ME1: variants seen among roughly 807,000 people sequenced by gnomAD.
The protein encoded by ME1 is malic enzyme 1, also known as NADP-dependent malic enzyme.
Under a neutral mutation model 66.4 loss-of-function variants are expected in ME1, and 74 were observed. The ratio of observed to expected loss-of-function variants is 1.11; its 90% CI spans 0.92 to 1.35. The LOEUF (loss-of-function observed/expected upper bound fraction) is 1.35. Among genes scored for constraint, ME1 ranks in the 40% most tolerant of loss-of-function variants. The pLI is 0.00. For missense variants in ME1, 750 were observed against 694.1 expected (o/e 1.08, Z -0.90); for synonymous variants, 251 against 235.6 (o/e 1.07, Z -0.60).
In ME1 at chr6:83,211,888, AC is replaced by A. The variant is rs777507899; in HGVS notation, c.*35del. ...TTTAAAAATTATGAAAGGTTTAAAG[AC>A]CTCATTAATAGAGTTAGAAATGTTT... On this transcript the variant is annotated 3_prime_UTR_variant, in exon 14 of 14. Transcript: ENST00000369705. The A allele has an allele frequency of 1.4e-5, 20 of 1,401,988 alleles. No individual in the cohort carries two copies. The Admixed American group carries it at 2.0e-4, about 14-fold the overall frequency. 86.8% of individuals were successfully genotyped at this position (1,401,988 alleles called of 1,614,324 possible).
At chr6:83,370,310 A>G (rs191866640) in intron 3 of ME1, among the ~76,000 whole-genome samples, 2 of 152,248 alleles carry the variant, frequency 1.3e-5, no homozygotes, top group Non-Finnish European at 2.9e-5. Flanking sequence ...TGCAGGAAAA[A>G]CAGTCAACTT....
Position 83,346,165 on chromosome 6 carries a change from T to A in ME1, c.600+8A>T, listed in dbSNP as rs758523113. The A allele has an allele frequency of 1.3e-6, 2 of 1,597,914 alleles. No individual in the cohort carries two copies. Among genetic ancestry groups the A allele is most frequent in the Non-Finnish European group, 1.7e-6 (2 of 1,170,748 alleles). On this transcript the variant is annotated splice_region_variant and intron_variant, in intron 5 of 13. Coordinates refer to ENST00000369705, the MANE Select transcript of ME1 (RefSeq NM_002395.6). The stretch of plus-strand genomic sequence containing the variant: ...TACATAGCTGCCTTATAGACGTAAA[T>A]TATTTACCTCATTTTCGGTTCCCAC...
intron 6 of ME1, among the ~76,000 whole-genome samples, chr6:83,271,411 G>A (rs1360363980): frequency 2.0e-5 from 3 of 152,140 alleles, no homozygotes; most frequent in African/African-American, 4.8e-5. Flanking sequence ...TCACATGGAG[G>A]CTGCAATTGG....
Position 83,239,807 on chromosome 6 carries a change from C to T in ME1, c.815-171G>A, listed in dbSNP as rs1790478457. On this transcript the variant is annotated intron_variant, in intron 7 of 13. Transcript: ENST00000369705. ...CGTGGTAAAATTCCCAGGCTACTGA[C>T]ATCAATATTTTAAGATAGCAGCTTA... is the stretch of plus-strand genomic sequence containing the variant. 3.3e-5 allele frequency among the ~76,000 whole-genome samples: 5 copies of T among 152,010 alleles called. No homozygotes were observed. In the South Asian group the frequency reaches 1.0e-3, roughly 32 times the overall value.
intron 5 of ME1, among the ~76,000 whole-genome samples, chr6:83,344,232 G>A (rs1489533210): frequency 1.3e-5 from 2 of 148,220 alleles, no homozygotes; most frequent in Non-Finnish European, 3.0e-5. Flanking sequence ...GCTGCAATAA[G>A]CTATGATAGT....
intron 6 of ME1, 85 bp downstream of exon 6, chr6:83,315,225 A>G: frequency 1.3e-6 from 1 of 768,992 alleles, no homozygotes; most frequent in Non-Finnish European, 2.2e-6. Flanking sequence ...TAATTATTAA[A>G]CCATATTGCA....
intron 5 of ME1, among the ~76,000 whole-genome samples, chr6:83,332,285 GA>G (rs1768429520): frequency 1.3e-5 from 2 of 152,122 alleles, no homozygotes; most frequent in African/African-American, 2.4e-5. Context: ...GGTGAAAAGG[GA>G]AAACTTATAC....
chr6:83,395,946 T>C (rs1466129032), intron 3 of ME1, among the ~76,000 whole-genome samples: 1 of 152,024 alleles, frequency 6.6e-6, no homozygotes, highest in Non-Finnish European at 1.5e-5. Flanking sequence ...AACAAAAAAC[T>C]GTTACAACTA....
Position 83,228,862 on chromosome 6 carries a change from C to T in ME1, c.1096G>A (p.Ala366Thr), listed in dbSNP as rs1267384203. 1.2e-6 allele frequency: 2 copies of T among 1,613,114 alleles called. No homozygotes were observed. The change falls in exon 10 of 14, where the codon GCC becomes ACC. Residue 366 changes from alanine to threonine, a missense_variant. Physicochemically the swap from Ala to Thr is moderately conservative, Grantham distance 58. Transcript: ENST00000369705. ...HEHEEMKNLE[A>T]IVQEIKPTAL... ...GTTGGTTTTATTTCTTGAACAATGG[C>T]TTCTAGGTTCTTCATTTCTTCATGT...
chr6:83,420,070 C>CT (rs535462119), intron 1 of ME1, among the ~76,000 whole-genome samples: 47 of 149,646 alleles, frequency 3.1e-4, no homozygotes, highest in Middle Eastern at 3.5e-3. Context: ...TAGGTGGTAT[C>CT]TTTTTTTTTT....
intron 3 of ME1, among the ~76,000 whole-genome samples, chr6:83,393,666 G>C (rs143982266): frequency 1.3e-5 from 2 of 151,166 alleles, no homozygotes; most frequent in African/African-American, 4.9e-5. Flanking sequence ...CAAATACTTC[G>C]TTTGATTCAA....
At chr6:83,226,895 A>G (rs1157614928) in intron 11 of ME1, among the ~76,000 whole-genome samples, 1 of 152,156 alleles carries the variant, frequency 6.6e-6, no homozygotes, top group African/African-American at 2.4e-5. Context: ...CTGGATGTCA[A>G]GATAGTTGCC....
chr6:83,279,630 A>C (rs1375180046), intron 6 of ME1, among the ~76,000 whole-genome samples: 1 of 152,208 alleles, frequency 6.6e-6, no homozygotes, highest in South Asian at 2.1e-4. Flanking sequence ...AAAATAACAG[A>C]ATAGCCAAGA....
In ME1 at chr6:83,398,410, C is replaced by CG. The variant is rs1562002920; in HGVS notation, c.318_319insC (p.Gly107ArgfsTer8). 1 of 1,599,190 alleles carries CG rather than the reference C, an allele frequency of 6.3e-7. No individual in the cohort carries two copies. Among genetic ancestry groups the CG allele is most frequent in the Admixed American group, 1.7e-5 (1 of 57,318 alleles). ...AAACTATATTGTTGGCAAGCCAGAC[C>CG]CACAGTGGGAGTATAAACAATAGGC... is the stretch of plus-strand genomic sequence containing the variant. On this transcript the variant is annotated frameshift_variant, in exon 3 of 14. Coordinates refer to ENST00000369705, the MANE Select transcript of ME1 (RefSeq NM_002395.6). LOFTEE classifies it high-confidence loss of function.
intron 6 of ME1, among the ~76,000 whole-genome samples, chr6:83,255,903 T>C (rs1766760187): frequency 6.6e-6 from 1 of 152,182 alleles, no homozygotes; most frequent in Non-Finnish European, 1.5e-5. Context: ...CACATTGGTA[T>C]TGCTCAGTAA....
Position 83,212,107 on chromosome 6 carries a change from A to C in ME1, c.1549-13T>G, listed in dbSNP as rs1373055245. On this transcript the variant is annotated splice_polypyrimidine_tract_variant and intron_variant, in intron 13 of 13. Transcript: ENST00000369705. ...CATCTTTCACAATCTAGATATAAGA[A>C]AAGAATATTAATTATTTTAATAAAT... 2 of 1,560,826 alleles carry C rather than the reference A, an allele frequency of 1.3e-6. No homozygotes were observed. Among genetic ancestry groups the C allele is most frequent in the Non-Finnish European group, 1.7e-6 (2 of 1,146,962 alleles).
At chr6:83,317,648 C>A (rs1218950622) in intron 5 of ME1, among the ~76,000 whole-genome samples, 1 of 151,998 alleles carries the variant, frequency 6.6e-6, no homozygotes, top group African/African-American at 2.4e-5. Context: ...TAATTGAATA[C>A]CCTTTATTTC....
intron 8 of ME1, 80 bp from the exon 9 acceptor site, chr6:83,237,910 T>C (rs1790446109): frequency 4.7e-6 from 3 of 644,806 alleles, no homozygotes; most frequent in Non-Finnish European, 7.6e-6. Context: ...CATTTTGTCT[T>C]TGTTAGTGGG....
At chr6:83,339,953 TA>T (rs1364730212) in intron 5 of ME1, among the ~76,000 whole-genome samples, 1 of 134,206 alleles carries the variant, frequency 7.5e-6, no homozygotes, top group Non-Finnish European at 1.6e-5. Flanking sequence ...ACATGTACCC[TA>T]AAACTTAGAG....
Sources: allele counts gnomAD v4.1 joint callset (sites outside exome capture counted in the v4.1 genomes callset), GRCh38; gene constraint gnomAD v4.1.1; transcripts MANE v1.5; gene names NCBI Gene and HGNC (gene_info 2026-07-23, HGNC 2026-07-21).